NBEA: variants seen among roughly 807,000 people sequenced by gnomAD.
The protein encoded by NBEA is lysosomal-trafficking regulator 2.
Under a neutral mutation model 343.4 loss-of-function variants are expected in NBEA, and 44 were observed. The observed-to-expected ratio is 0.13, with a 90% CI of 0.10 to 0.16. The LOEUF is 0.16. Ranked by LOEUF, NBEA falls within the 10% of genes least tolerant of loss-of-function variation. The probability of loss-of-function intolerance (pLI) is 1.00; values close to 1 mark genes in which losing one functional copy is unlikely to be tolerated. For synonymous variants in NBEA, 1,175 were observed against 1,238.7 expected, an observed-to-expected ratio of 0.95 and a Z score of 1.08; for missense variants, 2,555 against 3,631.3, an observed-to-expected ratio of 0.70 and a Z score of 7.62.
intron 1 of NBEA, among the ~76,000 whole-genome samples, chr13:34,954,078 G>GA (rs1234545642): frequency 4.6e-5 from 7 of 152,276 alleles, no homozygotes. Context: ...AAAGGTTGGG[G>GA]ATCGCTGCCC....
intron 10 of NBEA, among the ~76,000 whole-genome samples, chr13:35,096,774 A>G (rs113292871): frequency 6.6e-6 from 1 of 151,908 alleles, no homozygotes; most frequent in Non-Finnish European, 1.5e-5. Context: ...GTACTTAGCA[A>G]TTATTCGTGA....
At chr13:35,140,911 C>T (rs747837063) in intron 17 of NBEA, among the ~76,000 whole-genome samples, 44 of 152,188 alleles carry the variant, frequency 2.9e-4, no homozygotes, top group Non-Finnish European at 4.4e-4. Context: ...GAGACCCAGG[C>T]AGCTTCTCCC....
intron 41 of NBEA, among the ~76,000 whole-genome samples, chr13:35,526,914 G>A (rs1272014357): frequency 1.3e-5 from 2 of 152,092 alleles, no homozygotes; most frequent in Non-Finnish European, 2.9e-5. Context: ...ATGCAGTGGC[G>A]ACAAGAAGCT....
intron 1 of NBEA, among the ~76,000 whole-genome samples, chr13:34,998,120 A>G (rs975046366): frequency 2.0e-5 from 3 of 152,138 alleles, no homozygotes; most frequent in Non-Finnish European, 4.4e-5. Flanking sequence ...AAAGCTGGGT[A>G]TCCGGGGGAG....
intron 45 of NBEA, among the ~76,000 whole-genome samples, chr13:35,570,047 C>G (rs892963689): frequency 6.6e-6 from 1 of 152,060 alleles, no homozygotes; most frequent in Non-Finnish European, 1.5e-5. Flanking sequence ...TGCTTGCTTG[C>G]TTTTGAGACG....
intron 46 of NBEA, among the ~76,000 whole-genome samples, chr13:35,590,694 A>G (rs1248422583): frequency 6.6e-6 from 1 of 152,122 alleles, no homozygotes; most frequent in East Asian, 1.9e-4. Context: ...TAAAAAACCT[A>G]GAGACAAGCC....
In NBEA at chr13:35,349,150, A is replaced by C. The variant is rs765290546; in HGVS notation, c.5946A>C (p.Ala1982=). 5.0e-6 allele frequency: 8 copies of C among 1,608,562 alleles called. No individual in the cohort carries two copies. Among genetic ancestry groups the C allele is most frequent in the Admixed American group, 3.4e-5 (2 of 59,616 alleles). Reference sequence around the variant, plus strand: ...TGAAGGACCATATAGTCCGTGTTGCAAATGAAGCTGAGTTTATTTTGAACA... The same window carrying C: ...TGAAGGACCATATAGTCCGTGTTGCCAATGAAGCTGAGTTTATTTTGAACA... ...HAMKDHIVRV[A]NEAEFILNRQ... Residue 1982 remains alanine (A), a synonymous_variant, in exon 37 of 59, where the codon GCA becomes GCC. Coordinates refer to ENST00000379939, the MANE Select transcript of NBEA (RefSeq NM_001385012.1).
intron 55 of NBEA, among the ~76,000 whole-genome samples, chr13:35,658,238 T>C (rs1306322780): frequency 2.0e-5 from 3 of 152,224 alleles, no homozygotes; most frequent in Non-Finnish European, 4.4e-5. Flanking sequence ...ATTATCAATA[T>C]GTATTTTTCA....
chr13:35,189,978 A>G (rs898175737), intron 30 of NBEA, among the ~76,000 whole-genome samples: 2 of 152,120 alleles, frequency 1.3e-5, no homozygotes, highest in Non-Finnish European at 2.9e-5. Context: ...TTTGAAAACC[A>G]GAGGCCAGAC....
intron 46 of NBEA, among the ~76,000 whole-genome samples, chr13:35,591,411 CAT>C (rs2081534377): frequency 6.6e-6 from 1 of 152,048 alleles, no homozygotes; most frequent in Admixed American, 6.6e-5. Flanking sequence ...TAGTGAAAGA[CAT>C]GTCATATAAT....
intron 10 of NBEA, among the ~76,000 whole-genome samples, chr13:35,078,617 G>A (rs534273591): frequency 2.3e-4 from 35 of 152,270 alleles, no homozygotes; most frequent in African/African-American, 8.4e-4. Flanking sequence ...TGGAAAGTAA[G>A]TCTTTGGCCA....
chr13:35,664,961 G>A (rs2085279558), intron 55 of NBEA, 124 bp from the exon 56 acceptor site: 1 of 677,024 alleles, frequency 1.5e-6, no homozygotes, highest in African/African-American at 1.8e-5. Flanking sequence ...ACTGGCTCAT[G>A]GTCACACAGC....
At chr13:35,234,436 T>C (rs1170564545) in intron 34 of NBEA, among the ~76,000 whole-genome samples, 1 of 152,186 alleles carries the variant, frequency 6.6e-6, no homozygotes, top group African/African-American at 2.4e-5. Flanking sequence ...CATGTATTCA[T>C]TGATTCATTC....
intron 1 of NBEA, among the ~76,000 whole-genome samples, chr13:34,966,916 A>C (rs1299639697): frequency 6.6e-6 from 1 of 151,556 alleles, no homozygotes. Context: ...CCAGAATGCA[A>C]ATCATCTGTG....
chr13:34,983,850 C>T (rs529840501), intron 1 of NBEA, among the ~76,000 whole-genome samples: 37 of 152,214 alleles, frequency 2.4e-4, no homozygotes, highest in Non-Finnish European at 4.3e-4. Flanking sequence ...ATATCCTTTG[C>T]CCACTTTTTG....
intron 47 of NBEA, among the ~76,000 whole-genome samples, 164 bp from the exon 48 acceptor site, chr13:35,606,262 T>A (rs2082276495): frequency 6.6e-6 from 1 of 152,168 alleles, no homozygotes; most frequent in South Asian, 2.1e-4. Context: ...TCATCTCAGA[T>A]CTTTAAATAA....
intron 38 of NBEA, among the ~76,000 whole-genome samples, chr13:35,422,080 T>G (rs1279869389): frequency 3.7e-5 from 4 of 108,564 alleles, no homozygotes; most frequent in Non-Finnish European, 7.2e-5. Flanking sequence ...TCCGCCATTT[T>G]TTTGTTTGTT....
intron 38 of NBEA, among the ~76,000 whole-genome samples, chr13:35,398,548 C>G (rs928261080): frequency 1.3e-5 from 2 of 152,054 alleles, no homozygotes; most frequent in African/African-American, 2.4e-5. Context: ...GGCATGAAAA[C>G]AATATTCATC....
chr13:35,650,794 G>C (rs2084480170), intron 52 of NBEA, among the ~76,000 whole-genome samples: 1 of 152,120 alleles, frequency 6.6e-6, no homozygotes, highest in South Asian at 2.1e-4. Context: ...AGTTGGCCCA[G>C]TTTACCACTT....
Sources: allele counts gnomAD v4.1 joint callset (sites outside exome capture counted in the v4.1 genomes callset), GRCh38; gene constraint gnomAD v4.1.1; transcripts MANE v1.5; gene names NCBI Gene and HGNC (gene_info 2026-07-23, HGNC 2026-07-21).